PKN2: variants seen among roughly 807,000 people sequenced by gnomAD.
PKN2 encodes the protein serine/threonine-protein kinase N2.
In PKN2, 38 loss-of-function variants were observed where a neutral mutation model predicts 119.1. That is an observed-to-expected ratio of 0.32 (90% CI 0.25 to 0.42). PKN2 has a LOEUF of 0.42. PKN2 is among the 10% of genes least tolerant of loss of function. The probability of loss-of-function intolerance (pLI) is 1.00; values close to 1 mark genes in which losing one functional copy is unlikely to be tolerated. For synonymous variants in PKN2, 390 were observed against 384.9 expected (o/e 1.01, Z -0.15); for missense variants, 850 against 1,165.1 (o/e 0.73, Z 3.94).
intron 16 of PKN2, among the ~76,000 whole-genome samples, chr1:88,817,708 CAAAA>C (rs55863627): frequency 7.5e-6 from 1 of 133,014 alleles, no homozygotes; most frequent in Non-Finnish European, 1.6e-5. Context: ...GACTCCGTCT[CAAAA>C]AAAAAAAAAA....
intron 3 of PKN2, 108 bp downstream of exon 3, chr1:88,760,484 C>CTCCAACA (rs1437748345): frequency 2.8e-5 from 17 of 603,498 alleles, no homozygotes; most frequent in African/African-American, 2.7e-4. Flanking sequence ...AACATCAGTA[C>CTCCAACA]TGGTGGCATG....
rs575674715 is a variant in PKN2, at chr1:88,706,113, C to A, written c.48+21485C>A. 7.2e-5 allele frequency among the ~76,000 whole-genome samples: 11 copies of A among 152,182 alleles called. No individual in the cohort carries two copies. The East Asian group carries it at 1.3e-3, about 19-fold the overall frequency. On this transcript the variant is annotated intron_variant, in intron 1 of 21. Transcript: ENST00000370521. ...TCCAAACAATATTAAGTTGTCTGTT[C>A]TATGATAAACAAAGTATGTCTTTCC... is the stretch of plus-strand genomic sequence containing the variant.
intron 6 of PKN2, among the ~76,000 whole-genome samples, chr1:88,778,912 G>A (rs1013046400): frequency 6.6e-6 from 1 of 151,868 alleles, no homozygotes; most frequent in Admixed American, 6.6e-5. Flanking sequence ...ACGGGGGTGG[G>A]GGCGGTTTCA....
At chr1:88,782,597 A>G (rs180686876) in intron 6 of PKN2, among the ~76,000 whole-genome samples, 1 of 151,674 alleles carries the variant, frequency 6.6e-6, no homozygotes, top group East Asian at 1.9e-4. Context: ...GCAATGTTTA[A>G]TCTGCCTGCA....
intron 8 of PKN2, among the ~76,000 whole-genome samples, chr1:88,790,370 A>G (rs1474773620): frequency 6.6e-6 from 1 of 152,166 alleles, no homozygotes; most frequent in Non-Finnish European, 1.5e-5. Context: ...TGGAGTATAG[A>G]ATTCTTTTAG....
chr1:88,784,437 A>T (rs1053769036), intron 6 of PKN2, among the ~76,000 whole-genome samples: 1 of 152,082 alleles, frequency 6.6e-6, no homozygotes, highest in Non-Finnish European at 1.5e-5. Flanking sequence ...TTTCTATAAA[A>T]TTTCTTATAG....
intron 3 of PKN2, among the ~76,000 whole-genome samples, chr1:88,761,642 G>A (rs1257577447): frequency 6.7e-6 from 1 of 150,158 alleles, no homozygotes; most frequent in Non-Finnish European, 1.5e-5. Context: ...AAAGACATTA[G>A]GGAAGTTACC....
intron 1 of PKN2, among the ~76,000 whole-genome samples, chr1:88,720,348 C>G (rs1424166190): frequency 6.6e-6 from 1 of 152,096 alleles, no homozygotes; most frequent in Non-Finnish European, 1.5e-5. Flanking sequence ...TTCTGATATA[C>G]TCGTAGGCTT....
chr1:88,705,373 A>G (rs1280871969), intron 1 of PKN2, among the ~76,000 whole-genome samples: 1 of 152,066 alleles, frequency 6.6e-6, no homozygotes, highest in Admixed American at 6.6e-5. Context: ...TCATATGGAC[A>G]TATTTGTTTC....
Position 88,804,397 on chromosome 1 carries a change from G to A in PKN2, c.1288G>A (p.Glu430Lys). The change falls in exon 9 of 22, where the codon GAA (glutamate) becomes AAA (lysine). Residue 430 changes from glutamate (E) to lysine (K), a missense_variant. By Grantham distance (56) the Glu-to-Lys change is moderately conservative. Coordinates refer to ENST00000370521, the MANE Select transcript of PKN2 (RefSeq NM_006256.4). ...KFTLELDRSRELEISVYWRDW... is the reference protein window; with the variant it reads ...KFTLELDRSRKLEISVYWRDW... Reference sequence around the variant, plus strand: ...TTTTTTTTAATTATCCTAGTCACGTGAACTGGAAATTTCAGTTTATTGGCG... The same window carrying A: ...TTTTTTTTAATTATCCTAGTCACGTAAACTGGAAATTTCAGTTTATTGGCG... 6.2e-7 allele frequency: 1 copy of A among 1,609,682 alleles called. No homozygotes were observed. The highest frequency in any genetic ancestry group is 8.5e-7 in the Non-Finnish European group (1 of 1,177,460).
chr1:88,697,053 A>G (rs983439836), intron 1 of PKN2, among the ~76,000 whole-genome samples: 3 of 152,166 alleles, frequency 2.0e-5, no homozygotes, highest in African/African-American at 7.2e-5. Flanking sequence ...ATATGAATAT[A>G]TTTATATCTA....
At chr1:88,792,044 G>GT (rs555380128) in intron 8 of PKN2, among the ~76,000 whole-genome samples, 29 of 152,138 alleles carry the variant, frequency 1.9e-4, no homozygotes, top group Non-Finnish European at 3.8e-4. Flanking sequence ...TTTTTAACTT[G>GT]TAACAAAGCT....
Position 88,684,418 on chromosome 1 carries a change from G to C in PKN2, c.-163G>C. Reference sequence around the variant, plus strand: ...CCCGCCGCTCTCGATGAACCGGACGGAATAAGCCGCGCCTCCAGCAGGGGC... The same window carrying C: ...CCCGCCGCTCTCGATGAACCGGACGCAATAAGCCGCGCCTCCAGCAGGGGC... On this transcript the variant is annotated 5_prime_UTR_variant, in exon 1 of 22. Transcript: ENST00000370521. 2 of 612,678 alleles carry C rather than the reference G, an allele frequency of 3.3e-6. No homozygotes were observed. Among genetic ancestry groups the C allele is most frequent in the Non-Finnish European group, 5.4e-6 (2 of 366,990 alleles). 38.0% of individuals were successfully genotyped at this position (612,678 alleles called of 1,614,324 possible). A position where few individuals can be genotyped will look rare whatever the true frequency, so the allele number is the denominator to read the frequency against.
rs1311267197 is a variant in PKN2, at chr1:88,804,834, T to C, written c.1426-12T>C. On this transcript the variant is annotated splice_polypyrimidine_tract_variant and intron_variant, in intron 9 of 21. Coordinates refer to ENST00000370521, the MANE Select transcript of PKN2 (RefSeq NM_006256.4). ...GCTATTTTCATGTCAACTTGAATTT[T>C]CTTCACTGCAGGTTACCTTTTTTAA... is the stretch of plus-strand genomic sequence containing the variant. 2.8e-6 allele frequency: 4 copies of C among 1,447,688 alleles called. No homozygotes were observed. In the African/African-American group the frequency reaches 4.3e-5, roughly 16 times the overall value. 89.7% of individuals were successfully genotyped at this position (1,447,688 alleles called of 1,614,324 possible).
chr1:88,797,448 C>T (rs1671120969), intron 8 of PKN2, among the ~76,000 whole-genome samples: 1 of 151,400 alleles, frequency 6.6e-6, no homozygotes, highest in Admixed American at 6.6e-5. Context: ...TCAAGACCAT[C>T]CTTGCCAACA....
intron 2 of PKN2, among the ~76,000 whole-genome samples, chr1:88,758,085 AT>A (rs1367838215): frequency 2.0e-5 from 3 of 149,304 alleles, no homozygotes; most frequent in African/African-American, 7.4e-5. Flanking sequence ...ATAATAATGG[AT>A]TATCCGGAAT....
At chr1:88,755,277 A>G (rs994074042) in intron 2 of PKN2, among the ~76,000 whole-genome samples, 2 of 152,188 alleles carry the variant, frequency 1.3e-5, no homozygotes, top group Admixed American at 6.5e-5. Context: ...AATTTAACGT[A>G]CAAGGAAGAA....
chr1:88,690,791 C>G (rs560390463), intron 1 of PKN2, among the ~76,000 whole-genome samples: 4 of 152,032 alleles, frequency 2.6e-5, no homozygotes, highest in Admixed American at 2.6e-4. Context: ...AAGCATGGGA[C>G]AGTGTACTTG....
In PKN2 at chr1:88,828,509, A is replaced by G. The variant is rs1313464617; in HGVS notation, c.2448A>G (p.Thr816=). 6.2e-7 allele frequency: 1 copy of G among 1,612,742 alleles called. No individual in the cohort carries two copies. Among genetic ancestry groups the G allele is most frequent in the Admixed American group, 1.7e-5 (1 of 60,012 alleles). The part of the protein sequence containing the change: ...EGMGYGDRTS[T]FCGTPEFLAP... ...TGGGATATGGAGATAGAACAAGCAC[A>G]TTTTGTGGCACTCCTGAATTTCTTG... Residue 816 remains threonine, a synonymous_variant, in exon 19 of 22, where the codon ACA becomes ACG. Coordinates refer to ENST00000370521, the MANE Select transcript of PKN2 (RefSeq NM_006256.4).
Sources: gnomAD v4.1 joint callset for allele counts (sites outside exome capture counted in the v4.1 genomes callset) on GRCh38, gnomAD v4.1.1 for gene constraint, MANE v1.5 for transcripts, NCBI Gene and HGNC (gene_info 2026-07-23, HGNC 2026-07-21) for gene names.